STK36: variants seen among roughly 807,000 people sequenced by gnomAD.
STK36 encodes serine/threonine kinase 36.
STK36 carries 116 observed loss-of-function variants against 142.2 expected under a neutral mutation model. The observed-to-expected ratio is 0.82, with a 90% CI of 0.70 to 0.95. The LOEUF is 0.95. Ranked by LOEUF, STK36 falls within the 40% of genes least tolerant of loss-of-function variation. The pLI is 0.00. For synonymous variants in STK36, 619 were observed against 641.7 expected, an observed-to-expected ratio of 0.96 and a Z score of 0.53; for missense variants, 1,422 against 1,617.2, an observed-to-expected ratio of 0.88 and a Z score of 2.07.
Position 218,694,479 on chromosome 2 carries a change from C to T in STK36, c.2401-46C>T, listed in dbSNP as rs761683699. 6.3e-7 allele frequency: 1 copy of T among 1,579,632 alleles called. No homozygotes were observed. Among genetic ancestry groups the T allele is most frequent in the Non-Finnish European group, 8.7e-7 (1 of 1,148,792 alleles). On this transcript the variant is annotated intron_variant, in intron 20 of 26. Coordinates refer to ENST00000295709, the MANE Select transcript of STK36 (RefSeq NM_015690.5). This position sits in a 1 kb window ranked among gnomAD's most constrained non-coding sequence, Gnocchi z 4.4. ...AAATCCTCTCTGCCTGTCCTGAATG[C>T]CATTTAGATTTGGACATTCTTTCTC...
intron 21 of STK36, among the ~76,000 whole-genome samples, chr2:218,695,551 T>TTTTTTTA: frequency 6.9e-6 from 1 of 143,894 alleles, no homozygotes; most frequent in Admixed American, 6.9e-5. Flanking sequence ...TTTTTTTTTT[T>TTTTTTTA]GAGACGGAGT....
Position 218,690,102 on chromosome 2 carries a change from C to T in STK36, c.1658+146C>T, listed in dbSNP as rs1940938149. Reference sequence around the variant, plus strand: ...ATCAGCTGAGTGGCCACTCATAGTCCTTTTAAGGACCCTAAGACAGCTCCA... The same window carrying T: ...ATCAGCTGAGTGGCCACTCATAGTCTTTTTAAGGACCCTAAGACAGCTCCA... On this transcript the variant is annotated intron_variant, in intron 13 of 26. Transcript: ENST00000295709. The T allele has an allele frequency of 5.2e-6, 4 of 762,140 alleles. No homozygotes were observed. In the East Asian group the frequency reaches 1.1e-4, roughly 21 times the overall value. 47.2% of individuals were successfully genotyped at this position (762,140 alleles called of 1,614,324 possible).
intron 1 of STK36, 182 bp downstream of exon 1, chr2:218,672,397 C>T (rs953937070): frequency 1.0e-5 from 3 of 292,318 alleles, no homozygotes; most frequent in East Asian, 8.6e-5. Flanking sequence ...GCGAAGCGCA[C>T]GGGCCAGGGG....
At chr2:218,678,924 A>G (rs1226013457) in intron 6 of STK36, among the ~76,000 whole-genome samples, 1 of 152,138 alleles carries the variant, frequency 6.6e-6, no homozygotes, top group Non-Finnish European at 1.5e-5. Flanking sequence ...TTGTTTTTAC[A>G]TTTGGGAATA....
At chr2:218,673,074 G>T (rs1399993877) in intron 2 of STK36, 161 bp downstream of exon 2, 4 of 581,364 alleles carry the variant, frequency 6.9e-6, no homozygotes, top group Non-Finnish European at 1.2e-5. Flanking sequence ...GATTATTTGG[G>T]TGCAAATTCC....
intron 26 of STK36, among the ~76,000 whole-genome samples, chr2:218,700,593 G>T (rs1193585246): frequency 6.6e-6 from 1 of 151,138 alleles, no homozygotes; most frequent in African/African-American, 2.4e-5. Context: ...TGGAGACAAG[G>T]TTTCACCATG....
At position 218,676,164 on chromosome 2, in the gene STK36, A is replaced by C. The variant is rs772837473; in HGVS notation, c.570A>C (p.Leu190=). ...ACCTCTGGTCTGTTGGCTGCATACT[A>C]TATGAACTGGCAGTAGGCACCCCTC... ...TADLWSVGCI[L]YELAVGTPPF... is the part of the protein sequence containing the mutation. The change falls in exon 6 of 27, where the codon CTA becomes CTC. Residue 190 remains leucine (L), a synonymous_variant. Coordinates refer to ENST00000295709, the MANE Select transcript of STK36 (RefSeq NM_015690.5). The C allele has an allele frequency of 1.2e-6, 2 of 1,614,152 alleles. No homozygotes were observed. The highest frequency in any genetic ancestry group is 1.7e-5 in the Admixed American group (1 of 60,012).
rs143633259 is a variant in STK36, at chr2:218,699,173, G to T, written c.3629G>T (p.Arg1210Leu). Residue 1210 changes from arginine (R) to leucine (L), a missense_variant, in exon 26 of 27, where the codon CGC (arginine) becomes CTC (leucine). Coordinates refer to ENST00000295709, the MANE Select transcript of STK36 (RefSeq NM_015690.5). ...GGAGATCCTCAGGCTGGTATCCGGC[G>T]CAATGTTGCATCAGCTCTGGGCAAC... ...LLGDPQAGIRRNVASALGNLG... is the reference protein window; with the variant it reads ...LLGDPQAGIRLNVASALGNLG... 1 of 1,614,062 alleles carries T rather than the reference G, an allele frequency of 6.2e-7. No individual in the cohort carries two copies. The highest frequency in any genetic ancestry group is 8.5e-7 in the Non-Finnish European group (1 of 1,180,010).
At chr2:218,677,126 T>C (rs908928536) in intron 6 of STK36, among the ~76,000 whole-genome samples, 1 of 151,724 alleles carries the variant, frequency 6.6e-6, no homozygotes, top group Non-Finnish European at 1.5e-5. Flanking sequence ...AGAGATGAGG[T>C]TTCTCCATGT....
chr2:218,697,363 G>A, intron 23 of STK36, 100 bp from the exon 24 acceptor site: 2 of 1,534,436 alleles, frequency 1.3e-6, no homozygotes, highest in Admixed American at 2.0e-5. Flanking sequence ...CTCTAAGATG[G>A]GGAAGGGACT....
At chr2:218,676,494 C>T (rs556095202) in intron 6 of STK36, among the ~76,000 whole-genome samples, 1 of 152,180 alleles carries the variant, frequency 6.6e-6, no homozygotes, top group East Asian at 1.9e-4. Context: ...GCTCCATAGC[C>T]TGTACAGGAA....
In STK36 at chr2:218,694,065, C is replaced by G; in HGVS notation, c.2336+82C>G. 4 of 1,394,686 alleles carry G rather than the reference C, an allele frequency of 2.9e-6. No homozygotes were observed. The highest frequency in any genetic ancestry group is 4.1e-6 in the Non-Finnish European group (4 of 982,484). 86.4% of individuals were successfully genotyped at this position (1,394,686 alleles called of 1,614,324 possible). ...CACAAAGAGTATGGGGAATGGTACCCTACAGCATATCCTTAGGAGGAATTG... is the reference window on the plus strand; with the variant it reads ...CACAAAGAGTATGGGGAATGGTACCGTACAGCATATCCTTAGGAGGAATTG... On this transcript the variant is annotated intron_variant, in intron 19 of 26. Transcript: ENST00000295709. This position sits in a 1 kb window ranked among gnomAD's most constrained non-coding sequence, Gnocchi z 4.4.
Position 218,692,726 on chromosome 2 carries a change from G to C in STK36, c.2043+16G>C. On this transcript the variant is annotated intron_variant, in intron 16 of 26. Transcript: ENST00000295709. ...CAAGGAGCAGGTCCGAGCTACAATT[G>C]GTTGTTCCTCTCATCCTACTGCCAG... is the stretch of plus-strand genomic sequence containing the variant. 1 of 1,606,264 alleles carries C rather than the reference G, an allele frequency of 6.2e-7. No homozygotes were observed. Among genetic ancestry groups the C allele is most frequent in the African/African-American group, 1.3e-5 (1 of 74,850 alleles).
rs1209589014 is a variant in STK36, at chr2:218,698,998, G to A, written c.3454G>A (p.Gly1152Arg). The A allele has an allele frequency of 3.1e-6, 5 of 1,614,136 alleles. No homozygotes were observed. Among genetic ancestry groups the A allele is most frequent in the Non-Finnish European group, 4.2e-6 (5 of 1,180,030 alleles). ...GCGTGGGGCACTGCAGAGCCAGTCT[G>A]GACTGCTCAGCCTTCTGCTGCTTGG... ...ALRGALQSQS[G>R]LLSLLLLGLG... Residue 1152 changes from glycine (G) to arginine (R), a missense_variant, in exon 26 of 27, where the codon GGA (glycine) becomes AGA (arginine). Physicochemically the swap from Gly to Arg is moderately radical, Grantham distance 125. Transcript: ENST00000295709.
rs565727571 is a variant in STK36, at chr2:218,694,264, A to C, written c.2337A>C (p.Gly779=). 1.9e-6 allele frequency: 3 copies of C among 1,613,552 alleles called. No homozygotes were observed. The South Asian group carries it at 3.3e-5, about 18-fold the overall frequency. ...CCCTTGATGTATCTCTTTATTCCAG[A>C]ATGGAGAAGCTAGGCAGTGACGTTG... The part of the protein sequence containing the change: ...LVFRLQNLPC[G]MEKLGSDVAT... The change falls in exon 20 of 27, where the codon GGA becomes GGC. Residue 779 remains glycine (G), a splice_region_variant and synonymous_variant. Coordinates refer to ENST00000295709, the MANE Select transcript of STK36 (RefSeq NM_015690.5). The surrounding 1 kb of genome is among the most constrained non-coding windows in gnomAD (Gnocchi z 4.4).
intron 10 of STK36, among the ~76,000 whole-genome samples, chr2:218,684,059 A>G (rs1940662461): frequency 6.7e-6 from 1 of 149,292 alleles, no homozygotes; most frequent in Non-Finnish European, 1.5e-5. Context: ...TCGACCTCCC[A>G]AAATGCTGGG....
At chr2:218,700,902 C>T (rs1434061117) in intron 26 of STK36, among the ~76,000 whole-genome samples, 3 of 150,588 alleles carry the variant, frequency 2.0e-5, no homozygotes, top group Admixed American at 6.6e-5. Context: ...ATCCCAGCTT[C>T]TCGGGAGGCT....
Position 218,697,545 on chromosome 2 carries a change from A to G in STK36, c.2844A>G (p.Gly948=). 6.2e-7 allele frequency: 1 copy of G among 1,614,192 alleles called. No homozygotes were observed. The highest frequency in any genetic ancestry group is 8.5e-7 in the Non-Finnish European group (1 of 1,180,028). ...GCCTGAGCTGCCTGTCCCAGCATGG[A>G]AGTATCCTCATGTCCATCCTGAAGC... ...QLCLSCLSQH[G]SILMSILKHL... The change falls in exon 24 of 27, where the codon GGA becomes GGG. Residue 948 remains glycine (G), a synonymous_variant. Coordinates refer to ENST00000295709, the MANE Select transcript of STK36 (RefSeq NM_015690.5).
chr2:218,699,340 A>T lies in STK36; in HGVS notation c.3796A>T (p.Ile1266Phe). 1.2e-6 allele frequency: 2 copies of T among 1,613,624 alleles called. No homozygotes were observed. The highest frequency in any genetic ancestry group is 1.7e-6 in the Non-Finnish European group (2 of 1,179,880). Residue 1266 changes from isoleucine to phenylalanine, a missense_variant, in exon 26 of 27, where the codon ATC becomes TTC. Physicochemically the swap from Ile to Phe is conservative, Grantham distance 21 (BLOSUM62 0). This residue lies in a region of STK36 where 962 missense variants were observed against 1,167.5 expected (regional missense o/e 0.82). Transcript: ENST00000295709. ...ALRSLQQEPG[I>F]HQVLVSLGAS... ...CCGGAGCCTGCAACAGGAGCCTGGCATCCATCAGGTATACCCTACAGCACT... is the reference window on the plus strand; with the variant it reads ...CCGGAGCCTGCAACAGGAGCCTGGCTTCCATCAGGTATACCCTACAGCACT...
Sources: gnomAD v4.1 joint callset for allele counts (sites outside exome capture counted in the v4.1 genomes callset) on GRCh38, gnomAD v4.1.1 for gene constraint, gnomAD v4.1.1 regional missense constraint, Gnocchi (gnomAD v3.1) non-coding constraint, MANE v1.5 for transcripts, NCBI Gene and HGNC (gene_info 2026-07-23, HGNC 2026-07-21) for gene names.